REPS2: variants seen among roughly 807,000 people sequenced by gnomAD.
REPS2 encodes RALBP1 associated Eps domain containing 2.
In REPS2, 23 loss-of-function variants were observed where a neutral mutation model predicts 53.6. The observed-to-expected ratio is 0.43, with a 90% CI of 0.31 to 0.61. The LOEUF (loss-of-function observed/expected upper bound fraction) is 0.61, where lower values mean the gene tolerates loss of function less well. REPS2 is among the 20% of genes least tolerant of loss of function. REPS2 has a pLI of 0.11. For missense variants in REPS2, 446 were observed against 534.9 expected (o/e 0.83, Z 1.64); for synonymous variants, 238 against 218.6 (o/e 1.09, Z -0.78).
At chrX:17,064,873 A>G (rs1462129027) in intron 9 of REPS2, among the ~76,000 whole-genome samples, 2 of 112,487 alleles carry the variant, frequency 1.8e-5, no homozygotes, top group East Asian at 5.6e-4. Flanking sequence ...AAATGGAAGC[A>G]TATAGTATGT....
At chrX:16,988,329 A>T (rs2061117064) in intron 1 of REPS2, among the ~76,000 whole-genome samples, 1 of 111,815 alleles carries the variant, frequency 8.9e-6, no homozygotes, top group East Asian at 2.8e-4. Context: ...ATGATTGTCT[A>T]CATAGAAGAC....
the REPS2 span, among the ~76,000 whole-genome samples, chrX:17,182,779 C>G: frequency 8.9e-6 from 1 of 112,395 alleles, no homozygotes; most frequent in Non-Finnish European, 1.9e-5. Context: ...ATAGTTAACA[C>G]TGAGCGAGCA....
chrX:16,994,027 A>C (rs1406682139), intron 1 of REPS2, among the ~76,000 whole-genome samples: 6 of 112,748 alleles, frequency 5.3e-5, no homozygotes, highest in Non-Finnish European at 9.4e-5. Context: ...ATTGGTAGCT[A>C]CTGAATATTG....
the REPS2 span, among the ~76,000 whole-genome samples, chrX:17,195,978 C>G: frequency 9.0e-6 from 1 of 111,642 alleles, no homozygotes; most frequent in East Asian, 2.8e-4. Context: ...ATTTTAGATG[C>G]GAGGATAATG....
At chrX:16,998,238 C>T (rs1448515642) in intron 1 of REPS2, among the ~76,000 whole-genome samples, 1 of 110,830 alleles carries the variant, frequency 9.0e-6, no homozygotes, top group Non-Finnish European at 1.9e-5. Flanking sequence ...GACAGCGTGA[C>T]CCTGTCTAAA....
intron 6 of REPS2, among the ~76,000 whole-genome samples, chrX:17,049,055 A>G (rs1333873240): frequency 9.1e-6 from 1 of 110,092 alleles, no homozygotes; most frequent in African/African-American, 3.3e-5. Context: ...GCCCCACACC[A>G]GGCTAATTTT....
Position 16,947,125 on chromosome X carries a change from G to A in REPS2, c.264G>A (p.Thr88=), listed in dbSNP as rs1176849397. 9.2e-7 allele frequency: 1 copy of A among 1,087,697 alleles called. No individual in the cohort carries two copies. The highest frequency in any genetic ancestry group is 1.2e-6 in the Non-Finnish European group (1 of 839,056). The allele number at this position is 1,087,697 out of a possible 1,213,427, so 89.6% of individuals were successfully genotyped here. A position where few individuals can be genotyped will look rare whatever the true frequency, so the allele number is the denominator to read the frequency against. Residue 88 remains threonine (T), a synonymous_variant, in exon 1 of 18, where the codon ACG becomes ACA. Transcript: ENST00000357277. ...LFRASQLPAE[T]LHQITELCGA... The stretch of plus-strand genomic sequence containing the variant: ...GGGCATCGCAGCTGCCCGCCGAGAC[G>A]CTGCACCAGGTGGGTCCCTCCGCCT...
At chrX:16,992,417 A>G (rs969619896) in intron 1 of REPS2, among the ~76,000 whole-genome samples, 2 of 112,149 alleles carry the variant, frequency 1.8e-5, no homozygotes, top group African/African-American at 6.5e-5. Context: ...ACAAACTAAG[A>G]CATGGAGTAT....
chrX:17,136,623 T>C lies in REPS2; in HGVS notation c.1808+1217T>C, dbSNP rs1197983594. The C allele has an allele frequency of 3.6e-5, 4 of 112,508 alleles. No individual in the cohort carries two copies. In the East Asian group the frequency reaches 1.1e-3, roughly 31 times the overall value. The allele number at this position is 112,508 out of a possible 1,213,427, so 9.3% of individuals were successfully genotyped here. On this transcript the variant is annotated intron_variant, in intron 16 of 17. Coordinates refer to ENST00000357277, the MANE Select transcript of REPS2 (RefSeq NM_004726.3). Reference sequence around the variant, plus strand: ...ATACAGAGATCTTTTCTTTTTCTCTTTTTTATAACAGCTTTATTGCAATAT... The same window carrying C: ...ATACAGAGATCTTTTCTTTTTCTCTCTTTTATAACAGCTTTATTGCAATAT...
intron 6 of REPS2, among the ~76,000 whole-genome samples, chrX:17,050,804 A>G (rs929471845): frequency 3.6e-5 from 4 of 111,813 alleles, no homozygotes; most frequent in Admixed American, 1.9e-4. Flanking sequence ...TAATCACATC[A>G]TGGTAAATGG....
chrX:17,149,196 T>A lies in REPS2; in HGVS notation c.*1715T>A, dbSNP rs769554828. ...TTTTTTGTTTTTGTGGGGGAAGGGT[T>A]GGGAGTAAGTTTAAACTCTTCCGAA... On this transcript the variant is annotated 3_prime_UTR_variant, in exon 18 of 18. Coordinates refer to ENST00000357277, the MANE Select transcript of REPS2 (RefSeq NM_004726.3). The A allele has an allele frequency of 2.5e-5, 6 of 241,863 alleles. No homozygotes were observed. The highest frequency in any genetic ancestry group is 3.8e-5 in the Non-Finnish European group (5 of 130,494). 19.9% of individuals were successfully genotyped at this position (241,863 alleles called of 1,213,427 possible). A position where few individuals can be genotyped will look rare whatever the true frequency, so the allele number is the denominator to read the frequency against.
At chrX:16,952,504 G>A (rs1299825702) in intron 1 of REPS2, among the ~76,000 whole-genome samples, 3 of 112,037 alleles carry the variant, frequency 2.7e-5, no homozygotes, top group African/African-American at 9.7e-5. Context: ...AATAAGTGTT[G>A]TCTGATTGTT....
At chrX:16,971,855 G>C (rs1291962048) in intron 1 of REPS2, among the ~76,000 whole-genome samples, 2 of 112,321 alleles carry the variant, frequency 1.8e-5, no homozygotes, top group African/African-American at 6.5e-5. Context: ...CTTATGTCTA[G>C]ACTGTGTCAG....
chrX:16,947,266 C>T (rs1419526793), intron 1 of REPS2, 132 bp downstream of exon 1: 2 of 879,570 alleles, frequency 2.3e-6, no homozygotes, highest in South Asian at 5.4e-5. Context: ...GAGGACTCTG[C>T]AGCCGGGGAT....
intron 1 of REPS2, among the ~76,000 whole-genome samples, chrX:16,964,010 T>A (rs182201435): frequency 0.022 from 2,415 of 109,769 alleles, 69 homozygotes; most frequent in African/African-American, 0.075. Context: ...AATTTTTTTT[T>A]AATTTAATTT....
At chrX:17,185,911 T>C in the REPS2 span, among the ~76,000 whole-genome samples, 1 of 110,541 alleles carries the variant, frequency 9.0e-6, no homozygotes, top group Non-Finnish European at 1.9e-5. Flanking sequence ...GAGGACTAAA[T>C]TGGATCCCCC....
intron 1 of REPS2, among the ~76,000 whole-genome samples, chrX:16,972,305 G>A (rs1001735436): frequency 6.2e-5 from 7 of 112,466 alleles, no homozygotes; most frequent in Non-Finnish European, 1.3e-4. Flanking sequence ...CAGATATTCA[G>A]TTCTAAATGT....
the REPS2 span, among the ~76,000 whole-genome samples, chrX:17,195,602 G>A: frequency 1.8e-5 from 2 of 111,745 alleles, no homozygotes; most frequent in African/African-American, 6.5e-5. Flanking sequence ...AATTGTAAGG[G>A]TATGTACACA....
chrX:17,124,326 T>C (rs2063179175), intron 14 of REPS2, among the ~76,000 whole-genome samples: 1 of 112,352 alleles, frequency 8.9e-6, no homozygotes, highest in Admixed American at 9.4e-5. Flanking sequence ...AAGAAAATGA[T>C]AGGGAAGCAA....
Sources: allele counts gnomAD v4.1 joint callset (sites outside exome capture counted in the v4.1 genomes callset), GRCh38; gene constraint gnomAD v4.1.1; transcripts MANE v1.5; gene names NCBI Gene and HGNC (gene_info 2026-07-23, HGNC 2026-07-21).